Variants in GSE1 observed in about 807,000 individuals in gnomAD.
The protein encoded by GSE1 is Gse1 coiled-coil protein, also known as genetic suppressor element 1.
Under a neutral mutation model 112.6 loss-of-function variants are expected in GSE1, and 32 were observed. The ratio of observed to expected loss-of-function variants is 0.28; its 90% CI spans 0.21 to 0.38. The LOEUF (loss-of-function observed/expected upper bound fraction) is 0.38, where lower values mean the gene tolerates loss of function less well. GSE1 is among the 10% of genes least tolerant of loss of function. GSE1 has a pLI of 1.00. For missense variants in GSE1, 2,348 were observed against 1,699.2 expected (o/e 1.38, Z -6.71); for synonymous variants, 1,115 against 735.6 (o/e 1.52, Z -8.35).
At chr16:85,571,572 G>C (rs1240427094) in intron 1 of GSE1, among the ~76,000 whole-genome samples, 1 of 152,236 alleles carries the variant, frequency 6.6e-6, no homozygotes, top group Non-Finnish European at 1.5e-5. Context: ...GAGCGTCACC[G>C]GGTCTTCTCG....
chr16:85,243,005 G>T (rs1905280590), intron 1 of GSE1, among the ~76,000 whole-genome samples: 1 of 152,064 alleles, frequency 6.6e-6, no homozygotes, highest in African/African-American at 2.4e-5. Context: ...CAGAGATGGG[G>T]TCTCGCTGTG....
chr16:85,301,070 C>T (rs891179189), intron 1 of GSE1, among the ~76,000 whole-genome samples: 3 of 152,204 alleles, frequency 2.0e-5, no homozygotes, highest in Admixed American at 1.3e-4. Context: ...TTGCACCTAC[C>T]GGCTCTCTAA....
chr16:85,506,825 T>A (rs1166126633), intron 2 of GSE1, among the ~76,000 whole-genome samples: 2 of 152,146 alleles, frequency 1.3e-5, no homozygotes, highest in African/African-American at 4.8e-5. Context: ...AGACGAAGCC[T>A]TTGTTCCCCC....
intron 2 of GSE1, among the ~76,000 whole-genome samples, chr16:85,420,938 G>T (rs892365784): frequency 3.9e-5 from 6 of 152,288 alleles, no homozygotes; most frequent in African/African-American, 1.4e-4. Flanking sequence ...CTGTCCTGCA[G>T]GGGGCGCGCT....
chr16:85,261,114 C>T (rs1001847473), intron 1 of GSE1, among the ~76,000 whole-genome samples: 12 of 152,214 alleles, frequency 7.9e-5, no homozygotes, highest in East Asian at 3.9e-4. Context: ...TTACCACCCC[C>T]GCCTGGAGGG....
chr16:85,499,256 G>A (rs1470103387), intron 2 of GSE1, among the ~76,000 whole-genome samples: 1 of 151,776 alleles, frequency 6.6e-6, no homozygotes, highest in South Asian at 2.1e-4. Flanking sequence ...TCAGCGAGAG[G>A]GCGCCTGCCA....
At chr16:85,600,352 C>T (rs545292080) in intron 1 of GSE1, among the ~76,000 whole-genome samples, 43 of 152,276 alleles carry the variant, frequency 2.8e-4, no homozygotes, top group African/African-American at 1.0e-3. Flanking sequence ...TCGATGCTTC[C>T]ATGTGGGCCA....
chr16:85,235,842 C>T (rs933136204), intron 1 of GSE1, among the ~76,000 whole-genome samples: 12 of 152,042 alleles, frequency 7.9e-5, no homozygotes, highest in Admixed American at 3.3e-4. Context: ...TTACGGGCGC[C>T]GGGGCAGCTG....
At chr16:85,630,188 C>T (rs1267662781) in intron 1 of GSE1, among the ~76,000 whole-genome samples, 1 of 152,158 alleles carries the variant, frequency 6.6e-6, no homozygotes, top group African/African-American at 2.4e-5. Context: ...ACTGGAGTGA[C>T]CCAAGAGGGC....
intron 1 of GSE1, among the ~76,000 whole-genome samples, chr16:85,258,212 A>G (rs1303186767): frequency 6.6e-6 from 1 of 152,164 alleles, no homozygotes; most frequent in East Asian, 1.9e-4. Context: ...AGTCCCCTGA[A>G]GCTCCCCCAA....
chr16:85,588,955 A>G (rs545961932), intron 1 of GSE1, among the ~76,000 whole-genome samples: 11 of 152,082 alleles, frequency 7.2e-5, no homozygotes, highest in African/African-American at 2.4e-4. Flanking sequence ...ACACATATTC[A>G]CACACACGTT....
At chr16:85,583,861 C>T (rs546872024) in intron 1 of GSE1, among the ~76,000 whole-genome samples, 1 of 152,194 alleles carries the variant, frequency 6.6e-6, no homozygotes, top group Admixed American at 6.5e-5. Flanking sequence ...GCGGCCTCTG[C>T]TCCCAGGGAG....
At chr16:85,589,727 CTG>C (rs750419306) in intron 1 of GSE1, among the ~76,000 whole-genome samples, 172 of 151,856 alleles carry the variant, frequency 1.1e-3, no homozygotes, top group African/African-American at 2.6e-3. Flanking sequence ...GTGAATGTGA[CTG>C]TGTGAATGTG....
intron 1 of GSE1, among the ~76,000 whole-genome samples, chr16:85,630,969 G>A (rs555823633): frequency 7.9e-5 from 12 of 152,304 alleles, no homozygotes; most frequent in South Asian, 2.1e-4. Flanking sequence ...AGAGGTGCCC[G>A]ACTGGTCTGT....
chr16:85,656,779 G>A (rs544020484), intron 7 of GSE1, 114 bp downstream of exon 7: 20 of 1,379,626 alleles, frequency 1.4e-5, no homozygotes, highest in East Asian at 5.0e-5. Context: ...AGCTGAGTTC[G>A]CCCTAAAAGC....
chr16:85,542,150 G>A (rs2044542348), intron 2 of GSE1, among the ~76,000 whole-genome samples: 1 of 152,314 alleles, frequency 6.6e-6, no homozygotes. Context: ...GTGATTGTGT[G>A]TGTGCATGTT....
intron 9 of GSE1, chr16:85,662,183 A>C: frequency 6.1e-6 from 1 of 165,012 alleles, no homozygotes; most frequent in Non-Finnish European, 1.3e-5. Context: ...TCAGGGGTTG[A>C]GGACGCGGCG....
intron 1 of GSE1, among the ~76,000 whole-genome samples, chr16:85,586,376 T>A (rs1468559634): frequency 3.9e-5 from 6 of 152,208 alleles, no homozygotes; most frequent in Admixed American, 3.9e-4. Flanking sequence ...TCCGTGAGGT[T>A]CCCGAGTGCC....
intron 3 of GSE1, among the ~76,000 whole-genome samples, chr16:85,652,313 C>G (rs1008660269): frequency 9.9e-5 from 15 of 152,256 alleles, no homozygotes; most frequent in Non-Finnish European, 1.5e-4. Flanking sequence ...CACTCCCCCA[C>G]TACCCCGGTT....
Sources: allele counts gnomAD v4.1 joint callset (sites outside exome capture counted in the v4.1 genomes callset), GRCh38; gene constraint gnomAD v4.1.1; transcripts MANE v1.5; gene names NCBI Gene and HGNC (gene_info 2026-07-23, HGNC 2026-07-21).